The following SAMD5 variants were observed in gnomAD, a reference collection of about 807,000 sequenced individuals.
The protein encoded by SAMD5 is sterile alpha motif domain-containing protein 5.
A neutral mutation model predicts 11.3 loss-of-function variants in SAMD5; 13 were observed. The ratio of observed to expected loss-of-function variants is 1.15; its 90% CI spans 0.75 to 1.83. SAMD5 has a LOEUF of 1.83. Ranked by LOEUF, SAMD5 falls within the 40% of genes most tolerant of loss-of-function variation. SAMD5 has a pLI of 0.00. For missense variants in SAMD5, 255 were observed against 239.1 expected, an observed-to-expected ratio of 1.07 and a Z score of -0.44; for synonymous variants, 129 against 111.3, an observed-to-expected ratio of 1.16 and a Z score of -1.00.
At chr6:147,653,054 A>T (rs1790513997) in intron 1 of SAMD5, among the ~76,000 whole-genome samples, 1 of 152,110 alleles carries the variant, frequency 6.6e-6, no homozygotes, top group Non-Finnish European at 1.5e-5. Flanking sequence ...TGAAAGTATA[A>T]ATATACTTTC....
the SAMD5 span, among the ~76,000 whole-genome samples, chr6:147,807,671 T>C: frequency 6.6e-6 from 1 of 152,304 alleles, no homozygotes; most frequent in African/African-American, 2.4e-5. Flanking sequence ...GTTTAAATTG[T>C]CCATCGTCCT....
At chr6:147,916,010 T>TTTTGTCC in the SAMD5 span, among the ~76,000 whole-genome samples, 2 of 151,334 alleles carry the variant, frequency 1.3e-5, no homozygotes, top group Non-Finnish European at 2.9e-5. Context: ...TGTTTGGTTT[T>TTTTGTCC]TTTGTCCTTC....
chr6:147,829,376 C>G, the SAMD5 span, among the ~76,000 whole-genome samples: 1 of 152,238 alleles, frequency 6.6e-6, no homozygotes, highest in South Asian at 2.1e-4. Context: ...AGCAGTGGTC[C>G]TCTCCTAATT....
intron 1 of SAMD5, among the ~76,000 whole-genome samples, chr6:147,655,221 CA>C (rs1790547866): frequency 6.6e-6 from 1 of 152,178 alleles, no homozygotes; most frequent in South Asian, 2.1e-4. Flanking sequence ...GATATACACA[CA>C]GAAACAGGCT....
At chr6:147,608,208 A>G (rs1250024542) in intron 1 of SAMD5, among the ~76,000 whole-genome samples, 1 of 152,178 alleles carries the variant, frequency 6.6e-6, no homozygotes, top group Non-Finnish European at 1.5e-5. Context: ...ATTAGCACAA[A>G]CACTATGGAG....
At chr6:147,857,707 A>T in the SAMD5 span, among the ~76,000 whole-genome samples, 1 of 152,096 alleles carries the variant, frequency 6.6e-6, no homozygotes, top group African/African-American at 2.4e-5. Context: ...TTTCATTTGA[A>T]ATATCTTTAT....
chr6:147,742,191 T>C (rs1004590880), downstream of SAMD5, among the ~76,000 whole-genome samples: 3 of 152,148 alleles, frequency 2.0e-5, no homozygotes, highest in African/African-American at 7.2e-5. Flanking sequence ...AGTTGCAGGC[T>C]GGTTTTGTCT....
At chr6:147,563,529 A>G (rs1457451480) in intron 1 of SAMD5, among the ~76,000 whole-genome samples, 1 of 152,126 alleles carries the variant, frequency 6.6e-6, no homozygotes, top group Non-Finnish European at 1.5e-5. Context: ...CTTCCTTCCA[A>G]CTTTCCTTTT....
the SAMD5 span, among the ~76,000 whole-genome samples, chr6:147,799,900 G>T: frequency 6.6e-5 from 10 of 152,088 alleles, no homozygotes; most frequent in Non-Finnish European, 4.4e-5. Context: ...TAGTTCTGGA[G>T]CCTTGGTTTT....
chr6:147,771,109 T>A, the SAMD5 span, among the ~76,000 whole-genome samples: 1 of 152,204 alleles, frequency 6.6e-6, no homozygotes, highest in African/African-American at 2.4e-5. Context: ...TGAGGATAAA[T>A]CAGGGCTTCT....
At chr6:147,803,270 T>A in the SAMD5 span, among the ~76,000 whole-genome samples, 2 of 151,922 alleles carry the variant, frequency 1.3e-5, no homozygotes, top group African/African-American at 2.4e-5. Flanking sequence ...ACCTTTGAAT[T>A]TTTTTCTGCC....
chr6:147,526,863 G>A (rs1206643004), intron 1 of SAMD5, among the ~76,000 whole-genome samples: 2 of 152,200 alleles, frequency 1.3e-5, no homozygotes, highest in African/African-American at 2.4e-5. Flanking sequence ...GAACTTCCCT[G>A]TGGTACTAAT....
chr6:147,706,370 C>T lies in SAMD5; in HGVS notation c.163-30947C>T, dbSNP rs142237520. Among the ~76,000 whole-genome samples, 314 of 152,044 alleles carry T rather than the reference C, an allele frequency of 2.1e-3. 1 individual carries two copies. Among genetic ancestry groups the T allele is most frequent in the African/African-American group, 7.2e-3 (298 of 41,464 alleles). ...CTGAGTAGTTGGGATTACAGGTGCC[C>T]GCCACCAACCATGCCTGGCTAATTT... On this transcript the variant is annotated intron_variant, in intron 1 of 1. Transcript: ENST00000566741.
chr6:147,609,732 A>G (rs1348412306), intron 1 of SAMD5, among the ~76,000 whole-genome samples: 1 of 151,428 alleles, frequency 6.6e-6, no homozygotes, highest in Non-Finnish European at 1.5e-5. Context: ...AATTTTTTGA[A>G]TGTTTAGTAG....
the SAMD5 span, among the ~76,000 whole-genome samples, chr6:147,752,878 T>G: frequency 1.3e-5 from 2 of 152,172 alleles, no homozygotes; most frequent in Non-Finnish European, 2.9e-5. Context: ...TTGAAGCATG[T>G]TGGAATTTGT....
chr6:147,790,763 T>C, the SAMD5 span, among the ~76,000 whole-genome samples: 2 of 88,410 alleles, frequency 2.3e-5, no homozygotes, highest in Non-Finnish European at 4.4e-5. Flanking sequence ...TCTTTCTCTC[T>C]CTCTCTTTCT....
At chr6:147,952,397 G>T in the SAMD5 span, among the ~76,000 whole-genome samples, 52,734 of 152,036 alleles carry the variant, frequency 0.35, 9,778 homozygotes, top group Middle Eastern at 0.51. Context: ...GATATCAATT[G>T]TGTATCAATG....
intron 1 of SAMD5, among the ~76,000 whole-genome samples, chr6:147,722,668 G>A (rs1791572419): frequency 6.6e-6 from 1 of 152,132 alleles, no homozygotes; most frequent in Admixed American, 6.5e-5. Context: ...CCCTAAGCAG[G>A]AACTTAATGA....
intron 1 of SAMD5, among the ~76,000 whole-genome samples, chr6:147,674,381 C>T (rs937608577): frequency 6.6e-6 from 1 of 152,156 alleles, no homozygotes; most frequent in Non-Finnish European, 1.5e-5. Context: ...TGGTTCCACC[C>T]TCCCTTTCCC....
Sources: allele counts gnomAD v4.1 joint callset (sites outside exome capture counted in the v4.1 genomes callset), GRCh38; gene constraint gnomAD v4.1.1; transcripts MANE v1.5; gene names NCBI Gene and HGNC (gene_info 2026-07-23, HGNC 2026-07-21).